Variants in RELN observed in about 807,000 individuals in gnomAD.
RELN encodes reelin.
A neutral mutation model predicts 427.6 loss-of-function variants in RELN; 108 were observed. The ratio of observed to expected loss-of-function variants is 0.25; its 90% CI spans 0.22 to 0.30. RELN has a LOEUF of 0.30. RELN is among the 10% of genes least tolerant of loss of function. RELN has a pLI of 1.00. For missense variants in RELN, 3,715 were observed against 4,302.8 expected, an observed-to-expected ratio of 0.86 and a Z score of 3.82; for synonymous variants, 1,524 against 1,513.4, an observed-to-expected ratio of 1.01 and a Z score of -0.16.
chr7:103,705,838 C>T (rs1470603834), intron 8 of RELN, among the ~76,000 whole-genome samples: 1 of 152,152 alleles, frequency 6.6e-6, no homozygotes, highest in African/African-American at 2.4e-5. Flanking sequence ...AACTGCTTCA[C>T]AGAACTGTTG....
chr7:103,608,741 T>G (rs1409559995), intron 22 of RELN, among the ~76,000 whole-genome samples: 4 of 152,176 alleles, frequency 2.6e-5, no homozygotes, highest in African/African-American at 9.7e-5. Context: ...CTTTTCTGAC[T>G]ATACTAAAAA....
At chr7:103,887,605 T>C (rs1490767039) in intron 2 of RELN, among the ~76,000 whole-genome samples, 2 of 152,172 alleles carry the variant, frequency 1.3e-5, no homozygotes, top group East Asian at 3.9e-4. Context: ...ACTCTGGCTA[T>C]GGCAGATGGG....
intron 51 of RELN, among the ~76,000 whole-genome samples, chr7:103,505,921 A>G (rs987382142): frequency 1.3e-5 from 2 of 152,264 alleles, no homozygotes; most frequent in African/African-American, 4.8e-5. Flanking sequence ...TGAAAAACAC[A>G]GCACGAGAAC....
intron 3 of RELN, among the ~76,000 whole-genome samples, chr7:103,829,572 T>C (rs775450910): frequency 6.6e-6 from 1 of 151,930 alleles, no homozygotes; most frequent in South Asian, 2.1e-4. Flanking sequence ...ATAAAAGTAA[T>C]GATAAAATAA....
chr7:103,584,745 C>A (rs1423379898), intron 28 of RELN, among the ~76,000 whole-genome samples: 2 of 152,180 alleles, frequency 1.3e-5, no homozygotes, highest in Non-Finnish European at 2.9e-5. Context: ...TTACACCCAA[C>A]AACCACAGAA....
At chr7:103,703,281 C>G (rs923754446) in intron 8 of RELN, among the ~76,000 whole-genome samples, 1 of 152,178 alleles carries the variant, frequency 6.6e-6, no homozygotes, top group African/African-American at 2.4e-5. Flanking sequence ...TACTCCCGCC[C>G]GGTGTAGCTG....
At chr7:103,870,416 T>C (rs1220416935) in intron 2 of RELN, among the ~76,000 whole-genome samples, 1 of 152,024 alleles carries the variant, frequency 6.6e-6, no homozygotes, top group Non-Finnish European at 1.5e-5. Flanking sequence ...AGCTTAAACT[T>C]GTGTGAGCTC....
intron 1 of RELN, among the ~76,000 whole-genome samples, chr7:103,940,980 TC>T (rs1362085990): frequency 6.6e-6 from 1 of 152,130 alleles, no homozygotes; most frequent in East Asian, 1.9e-4. Flanking sequence ...AACCTCTAAT[TC>T]TAAAGGTCAA....
At chr7:103,957,533 C>T (rs147902264) in intron 1 of RELN, among the ~76,000 whole-genome samples, 6 of 152,158 alleles carry the variant, frequency 3.9e-5, no homozygotes, top group East Asian at 1.9e-4. Context: ...TTTTGTGAAT[C>T]GAGGCACAGG....
At chr7:103,925,827 T>C (rs557370427) in intron 1 of RELN, among the ~76,000 whole-genome samples, 175 of 152,314 alleles carry the variant, frequency 1.1e-3, no homozygotes, top group Middle Eastern at 6.8e-3. Context: ...GTAATTCTTA[T>C]AAGCACATAC....
At chr7:103,876,445 T>C (rs1259091714) in intron 2 of RELN, among the ~76,000 whole-genome samples, 1 of 152,180 alleles carries the variant, frequency 6.6e-6, no homozygotes, top group East Asian at 1.9e-4. Context: ...CAAAAGTATT[T>C]ATTGGTCTAT....
chr7:103,656,566 G>C (rs928811920), intron 12 of RELN, among the ~76,000 whole-genome samples: 2 of 151,998 alleles, frequency 1.3e-5, no homozygotes, highest in Non-Finnish European at 2.9e-5. Flanking sequence ...GGTCTGAAAG[G>C]TTTTACAGGT....
At position 103,952,514 on chromosome 7, in the gene RELN, C is replaced by T. The variant is rs201734944; in HGVS notation, c.227-35329G>A. On this transcript the variant is annotated intron_variant, in intron 1 of 64. Coordinates refer to ENST00000428762, the MANE Select transcript of RELN (RefSeq NM_005045.4). ...CATTTTTATAAACCTTGCTTTAAAC[C>T]TTAAACACACACACACACATACATA... Among the ~76,000 whole-genome samples the T allele has an allele frequency of 5.8e-5, 8 of 137,816 alleles. No individual in the cohort carries two copies. In the East Asian group the frequency reaches 1.8e-3, roughly 31 times the overall value. 90.4% of individuals were successfully genotyped at this position (137,816 alleles called of 152,430 possible). A position where few individuals can be genotyped will look rare whatever the true frequency, so the allele number is the denominator to read the frequency against.
intron 3 of RELN, among the ~76,000 whole-genome samples, chr7:103,803,532 G>T (rs1307492274): frequency 6.6e-6 from 1 of 152,094 alleles, no homozygotes; most frequent in African/African-American, 2.4e-5. Context: ...CTACCTGGTT[G>T]TCCAATGGTT....
intron 1 of RELN, among the ~76,000 whole-genome samples, chr7:103,985,253 C>T (rs1797073062): frequency 1.3e-5 from 2 of 152,014 alleles, no homozygotes; most frequent in Non-Finnish European, 2.9e-5. Context: ...AACATCATGC[C>T]ACATCACCAA....
chr7:103,934,205 C>G (rs1049904022), intron 1 of RELN, among the ~76,000 whole-genome samples: 1 of 152,164 alleles, frequency 6.6e-6, no homozygotes, highest in Non-Finnish European at 1.5e-5. Context: ...TTGATATTCA[C>G]TCTGTGTATC....
intron 2 of RELN, among the ~76,000 whole-genome samples, chr7:103,864,960 G>T (rs971683313): frequency 1.3e-5 from 2 of 151,270 alleles, no homozygotes; most frequent in Non-Finnish European, 2.9e-5. Flanking sequence ...GTGAAATCCC[G>T]TCTCTACTAA....
chr7:103,767,775 C>T (rs1791461784), intron 4 of RELN, among the ~76,000 whole-genome samples: 11 of 152,296 alleles, frequency 7.2e-5, no homozygotes, highest in Admixed American at 6.5e-4. Flanking sequence ...TGGACAATTT[C>T]CCAGATAGTC....
At chr7:103,500,454 A>G (rs1489682960) in intron 53 of RELN, among the ~76,000 whole-genome samples, 4 of 152,116 alleles carry the variant, frequency 2.6e-5, no homozygotes, top group Non-Finnish European at 5.9e-5. Flanking sequence ...AAGGCTTAAT[A>G]TTGACTTTAA....
Sources: gnomAD v4.1 joint callset for allele counts (sites outside exome capture counted in the v4.1 genomes callset) on GRCh38, gnomAD v4.1.1 for gene constraint, MANE v1.5 for transcripts, NCBI Gene and HGNC (gene_info 2026-07-23, HGNC 2026-07-21) for gene names.